Variants in MED27 observed in about 807,000 individuals in gnomAD.
MED27 encodes the protein mediator of RNA polymerase II transcription subunit 27.
Under a neutral mutation model 38.2 loss-of-function variants are expected in MED27, and 30 were observed. The observed-to-expected ratio is 0.79, with a 90% CI of 0.59 to 1.07. The LOEUF is 1.07. MED27 is among the 50% of genes least tolerant of loss of function. MED27 has a pLI of 0.00. For synonymous variants in MED27, 122 were observed against 153.5 expected (o/e 0.79, Z 1.52); for missense variants, 289 against 397.5 (o/e 0.73, Z 2.32).
chr9:132,005,294 C>G (rs1218190435), intron 3 of MED27, among the ~76,000 whole-genome samples: 1 of 152,158 alleles, frequency 6.6e-6, no homozygotes, highest in African/African-American at 2.4e-5. Flanking sequence ...GAGTCTACTT[C>G]AAGGCAAATG....
intron 4 of MED27, among the ~76,000 whole-genome samples, chr9:131,908,225 G>A (rs7869322): frequency 0.68 from 91,681 of 135,392 alleles, 32,297 homozygotes; most frequent in Non-Finnish European, 0.8. Flanking sequence ...CCCTCTGCCC[G>A]GCCAGCCGCC....
At position 131,888,338 on chromosome 9, in the gene MED27, T is replaced by TG. The variant is rs1182775452; in HGVS notation, c.682-4240dup. ...CCACCATTGCATAGTTAATGCGAGG[T>TG]GGGGGAATTTGAAACCAGGTCTGTG... is the stretch of plus-strand genomic sequence containing the variant. On this transcript the variant is annotated intron_variant, in intron 5 of 7. Coordinates refer to ENST00000292035, the MANE Select transcript of MED27 (RefSeq NM_004269.4). Among the ~76,000 whole-genome samples, 4 of 152,132 alleles carry TG rather than the reference T, an allele frequency of 2.6e-5. No individual in the cohort carries two copies. In the East Asian group the frequency reaches 7.7e-4, roughly 29 times the overall value.
At chr9:132,036,903 CAGA>C (rs1166958493) in intron 2 of MED27, among the ~76,000 whole-genome samples, 1 of 152,054 alleles carries the variant, frequency 6.6e-6, no homozygotes, top group Non-Finnish European at 1.5e-5. Context: ...AAGCCTATGC[CAGA>C]AGGACAGTCC....
Position 131,860,367 on chromosome 9 carries a change from C to T in MED27, c.*171G>A, listed in dbSNP as rs1459510777. The stretch of plus-strand genomic sequence containing the variant: ...TGGGAATAATTAGTCCCATCAGCCA[C>T]AGAGGGAGTCTGCTCTTCAAGAGTG... On this transcript the variant is annotated 3_prime_UTR_variant, in exon 8 of 8. Transcript: ENST00000292035. This position sits in a 1 kb window ranked among gnomAD's most constrained non-coding sequence, Gnocchi z 5.8. 4.3e-6 allele frequency: 3 copies of T among 697,656 alleles called. No individual in the cohort carries two copies. Among genetic ancestry groups the T allele is most frequent in the Non-Finnish European group, 6.5e-6 (3 of 460,776 alleles). The allele number at this position is 697,656 out of a possible 1,614,324, so 43.2% of individuals were successfully genotyped here. A position where few individuals can be genotyped will look rare whatever the true frequency, so the allele number is the denominator to read the frequency against.
Position 132,017,523 on chromosome 9 carries a change from AC to A in MED27, c.349-3057del, listed in dbSNP as rs560677996. Among the ~76,000 whole-genome samples the A allele has an allele frequency of 4.6e-5, 7 of 152,250 alleles. No homozygotes were observed. The South Asian group carries it at 1.5e-3, about 32-fold the overall frequency. ...TTTTTCTATCAAAGATCCTCCACTA[AC>A]CGGGAGGAATAAAAATGAAAGAAGG... is the stretch of plus-strand genomic sequence containing the variant. On this transcript the variant is annotated intron_variant, in intron 2 of 7. Coordinates refer to ENST00000292035, the MANE Select transcript of MED27 (RefSeq NM_004269.4).
At chr9:132,016,426 A>AG (rs1331808441) in intron 2 of MED27, among the ~76,000 whole-genome samples, 2 of 152,186 alleles carry the variant, frequency 1.3e-5, no homozygotes, top group Non-Finnish European at 2.9e-5. Context: ...CAGGGTAGAA[A>AG]GGGGGGAGCA....
intron 3 of MED27, among the ~76,000 whole-genome samples, chr9:131,940,951 C>A (rs184481033): frequency 6.6e-6 from 1 of 152,242 alleles, no homozygotes; most frequent in East Asian, 1.9e-4. Flanking sequence ...ATAAAGGACT[C>A]AAAAATTTTA....
chr9:132,013,434 C>CA (rs1832525204), intron 3 of MED27, among the ~76,000 whole-genome samples: 1 of 152,158 alleles, frequency 6.6e-6, no homozygotes, highest in Non-Finnish European at 1.5e-5. Flanking sequence ...CAGGTATAGA[C>CA]AGAGAGCAAT....
Position 131,990,960 on chromosome 9 carries a change from A to G in MED27, c.479+23377T>C, listed in dbSNP as rs569210558. Reference sequence around the variant, plus strand: ...TCAATGTAACTGGCATTACAGGGGTAGGGTACGATGAGAAATCTGCGGGGT... The same window carrying G: ...TCAATGTAACTGGCATTACAGGGGTGGGGTACGATGAGAAATCTGCGGGGT... On this transcript the variant is annotated intron_variant, in intron 3 of 7. Coordinates refer to ENST00000292035, the MANE Select transcript of MED27 (RefSeq NM_004269.4). Among the ~76,000 whole-genome samples the G allele has an allele frequency of 9.0e-4, 137 of 152,350 alleles. 7 individuals carry two copies. In the South Asian group the frequency reaches 0.026, roughly 29 times the overall value.
chr9:132,067,738 G>A (rs1301391401), intron 2 of MED27, among the ~76,000 whole-genome samples: 1 of 152,160 alleles, frequency 6.6e-6, no homozygotes, highest in Admixed American at 6.5e-5. Context: ...TTGAGACGGA[G>A]TCTTGCTCTG....
chr9:132,049,111 G>A (rs749079501), intron 2 of MED27, among the ~76,000 whole-genome samples: 4 of 152,120 alleles, frequency 2.6e-5, no homozygotes, highest in Non-Finnish European at 4.4e-5. Flanking sequence ...AAGAGCACAC[G>A]GCCTGGATGG....
chr9:131,878,937 C>T (rs1051603839), intron 6 of MED27, among the ~76,000 whole-genome samples: 1 of 151,830 alleles, frequency 6.6e-6, no homozygotes, highest in African/African-American at 2.4e-5. Flanking sequence ...CCTCCAGGGA[C>T]CACAGTAAAT....
chr9:131,866,473 TACCCAAGCAGCCTC>T, intron 6 of MED27, among the ~76,000 whole-genome samples: 1 of 104,074 alleles, frequency 9.6e-6, no homozygotes, highest in African/African-American at 4.0e-5. Context: ...CCCTGCCTCA[TACCCAAGCAGCCTC>T]GTGGTTCCAA....
At chr9:132,070,937 A>G (rs534392102) in intron 2 of MED27, among the ~76,000 whole-genome samples, 25 of 152,280 alleles carry the variant, frequency 1.6e-4, no homozygotes, top group African/African-American at 5.8e-4. Flanking sequence ...AGAATCTCCA[A>G]TGTGAAGAAC....
chr9:132,021,754 G>A (rs1180268881), intron 2 of MED27, among the ~76,000 whole-genome samples: 1 of 152,192 alleles, frequency 6.6e-6, no homozygotes, highest in African/African-American at 2.4e-5. Flanking sequence ...AGATAATCAG[G>A]TTTAGATAAG....
intron 2 of MED27, among the ~76,000 whole-genome samples, chr9:132,021,912 A>G (rs548567563): frequency 2.0e-5 from 3 of 152,340 alleles, no homozygotes; most frequent in African/African-American, 7.2e-5. Flanking sequence ...ACCAGACACC[A>G]AATCTGCCAG....
chr9:131,994,481 C>T (rs1255282476), intron 3 of MED27, among the ~76,000 whole-genome samples: 2 of 152,208 alleles, frequency 1.3e-5, no homozygotes, highest in East Asian at 1.9e-4. Context: ...AGTGGTCCCA[C>T]TTTACGTCTG....
chr9:132,006,833 C>T (rs146774193), intron 3 of MED27, among the ~76,000 whole-genome samples: 15 of 152,296 alleles, frequency 9.8e-5, no homozygotes, highest in South Asian at 4.1e-4. Context: ...TTGCCAAAGA[C>T]GGATTCAAGT....
chr9:131,895,546 C>T (rs146750075), intron 4 of MED27, among the ~76,000 whole-genome samples: 9 of 152,318 alleles, frequency 5.9e-5, no homozygotes, highest in Non-Finnish European at 1.3e-4. Context: ...ACACCCCCAA[C>T]GTTTGATTCC....
Sources: allele counts gnomAD v4.1 joint callset (sites outside exome capture counted in the v4.1 genomes callset), GRCh38; gene constraint gnomAD v4.1.1; non-coding constraint Gnocchi (gnomAD v3.1); transcripts MANE v1.5; gene names NCBI Gene and HGNC (gene_info 2026-07-23, HGNC 2026-07-21).